The following PLCE1 variants were observed in gnomAD, a reference collection of about 807,000 sequenced individuals.
The protein encoded by PLCE1 is phospholipase C epsilon 1.
Under a neutral mutation model 242.8 loss-of-function variants are expected in PLCE1, and 119 were observed. That is an observed-to-expected ratio of 0.49 (90% CI 0.42 to 0.57). The LOEUF is 0.57. PLCE1 is among the 20% of genes least tolerant of loss of function. The pLI, the probability that PLCE1 is intolerant of heterozygous loss-of-function variation, is 0.00. For synonymous variants in PLCE1, 945 were observed against 1,017.4 expected, an observed-to-expected ratio of 0.93 and a Z score of 1.35; for missense variants, 2,441 against 2,788.8, an observed-to-expected ratio of 0.88 and a Z score of 2.81.
intron 2 of PLCE1, among the ~76,000 whole-genome samples, chr10:94,065,743 G>A (rs764278716): frequency 2.0e-5 from 3 of 152,156 alleles, no homozygotes; most frequent in Admixed American, 6.5e-5. Flanking sequence ...AACCCACAGC[G>A]TCAGGGAGGA....
In PLCE1 at chr10:94,273,641, A is replaced by T. The variant is rs182314619; in HGVS notation, c.4586A>T (p.Asp1529Val). The T allele has an allele frequency of 6.3e-5, 101 of 1,613,728 alleles. No individual in the cohort carries two copies. The African/African-American group carries it at 1.1e-3, about 17-fold the overall frequency. ...GATGATCCAATGCTTCCTTCACCTGACCAACTCAGAAAGAAAGTTCTTCTT... is the reference window on the plus strand; with the variant it reads ...GATGATCCAATGCTTCCTTCACCTGTCCAACTCAGAAAGAAAGTTCTTCTT... ...FSDDPMLPSP[D>V]QLRKKVLLKN... is the part of the protein sequence containing the mutation. The change falls in exon 19 of 33, where the codon GAC (aspartate) becomes GTC (valine). Residue 1529 changes from aspartate to valine, a missense_variant. Physicochemically the swap from Asp to Val is radical, Grantham distance 152 (BLOSUM62 -3). Transcript: ENST00000371380.
intron 3 of PLCE1, among the ~76,000 whole-genome samples, chr10:94,170,853 G>A (rs973150435): frequency 3.9e-5 from 6 of 152,088 alleles, no homozygotes; most frequent in African/African-American, 1.4e-4. Context: ...GTTAGCAAAG[G>A]AGGATAAGGA....
At chr10:94,025,222 GC>G (rs2061436608) in intron 1 of PLCE1, among the ~76,000 whole-genome samples, 1 of 152,062 alleles carries the variant, frequency 6.6e-6, no homozygotes, top group African/African-American at 2.4e-5. Flanking sequence ...TCCAGAAATT[GC>G]AAACCACTTT....
chr10:94,208,482 C>G (rs759738102), intron 4 of PLCE1, among the ~76,000 whole-genome samples: 1 of 152,172 alleles, frequency 6.6e-6, no homozygotes, highest in African/African-American at 2.4e-5. Flanking sequence ...TGTGGTCCCC[C>G]GACCAGCACA....
chr10:94,220,221 T>TACACAC (rs1306148514), intron 4 of PLCE1, among the ~76,000 whole-genome samples: 2 of 148,370 alleles, frequency 1.3e-5, no homozygotes, highest in Non-Finnish European at 3.0e-5. Flanking sequence ...CACACACACA[T>TACACAC]ACACACACAC....
At chr10:94,022,435 C>T (rs2061389416) in intron 1 of PLCE1, among the ~76,000 whole-genome samples, 1 of 151,588 alleles carries the variant, frequency 6.6e-6, no homozygotes, top group Admixed American at 6.6e-5. Context: ...ATATGTCTGT[C>T]TATGTGTGTA....
At chr10:94,123,603 A>C (rs1385870512) in intron 2 of PLCE1, among the ~76,000 whole-genome samples, 1 of 152,108 alleles carries the variant, frequency 6.6e-6, no homozygotes, top group African/African-American at 2.4e-5. Context: ...ACCCCCTCCA[A>C]CAGCCTCACT....
intron 27 of PLCE1, 88 bp downstream of exon 27, chr10:94,308,787 TGA>T: frequency 1.2e-6 from 1 of 848,242 alleles, no homozygotes; most frequent in East Asian, 2.4e-5. Context: ...GTGGTCGGTG[TGA>T]GTTATTAATT....
intron 2 of PLCE1, among the ~76,000 whole-genome samples, chr10:94,062,595 T>TTTG (rs1395712200): frequency 1.1e-5 from 1 of 87,940 alleles, no homozygotes; most frequent in African/African-American, 8.4e-5. Flanking sequence ...TTTTTTTTTG[T>TTTG]TTTGTTTTGT....
chr10:94,217,241 G>A (rs926628674), intron 4 of PLCE1, among the ~76,000 whole-genome samples: 5 of 151,794 alleles, frequency 3.3e-5, no homozygotes, highest in East Asian at 2.0e-4. Flanking sequence ...GATAAGCAGC[G>A]TCCCTCTCAC....
intron 22 of PLCE1, chr10:94,286,760 T>G (rs1185046005): frequency 6.6e-6 from 1 of 152,188 alleles, no homozygotes; most frequent in African/African-American, 2.4e-5. Context: ...TCACAGACCA[T>G]GACCTCATGG....
chr10:94,252,852 G>A (rs540036262), intron 9 of PLCE1, among the ~76,000 whole-genome samples: 98 of 152,198 alleles, frequency 6.4e-4, no homozygotes, highest in African/African-American at 2.1e-3. Flanking sequence ...CTTGAAGAAC[G>A]TGTAGGATTT....
chr10:94,293,158 A>T (rs1393087801), intron 22 of PLCE1, among the ~76,000 whole-genome samples: 3 of 152,328 alleles, frequency 2.0e-5, no homozygotes, highest in African/African-American at 4.8e-5. Context: ...CCATTCCTTC[A>T]TCTCTCCAAA....
intron 2 of PLCE1, among the ~76,000 whole-genome samples, chr10:94,084,000 T>C (rs541856948): frequency 4.6e-5 from 7 of 152,264 alleles, no homozygotes; most frequent in Non-Finnish European, 7.4e-5. Flanking sequence ...ATTGGGAGGA[T>C]TAAAGGAGGC....
At chr10:94,080,436 T>C (rs1364599257) in intron 2 of PLCE1, among the ~76,000 whole-genome samples, 1 of 152,202 alleles carries the variant, frequency 6.6e-6, no homozygotes, top group Non-Finnish European at 1.5e-5. Flanking sequence ...CATGAGTCAG[T>C]CTCTACCATG....
chr10:94,195,282 A>C (rs1374527967), intron 4 of PLCE1, among the ~76,000 whole-genome samples: 1 of 152,108 alleles, frequency 6.6e-6, no homozygotes, highest in East Asian at 1.9e-4. Flanking sequence ...TCCCAAGCTG[A>C]GAGTCACTGC....
chr10:94,130,336 C>A (rs564715855), intron 2 of PLCE1, among the ~76,000 whole-genome samples: 29 of 152,292 alleles, frequency 1.9e-4, no homozygotes, highest in African/African-American at 6.3e-4. Context: ...GTTATACAAC[C>A]ACCTATTATT....
chr10:94,211,028 T>C (rs1298000988), intron 4 of PLCE1, among the ~76,000 whole-genome samples: 1 of 152,188 alleles, frequency 6.6e-6, no homozygotes, highest in East Asian at 1.9e-4. Context: ...TCCAGACAAG[T>C]CTGCCGCCAC....
chr10:94,019,494 C>T (rs1278395793), intron 1 of PLCE1, among the ~76,000 whole-genome samples: 1 of 152,188 alleles, frequency 6.6e-6, no homozygotes, highest in African/African-American at 2.4e-5. Context: ...CCAGCAGCAA[C>T]TGATCCAATT....
Sources: gnomAD v4.1 joint callset for allele counts (sites outside exome capture counted in the v4.1 genomes callset) on GRCh38, gnomAD v4.1.1 for gene constraint, MANE v1.5 for transcripts, NCBI Gene and HGNC (gene_info 2026-07-23, HGNC 2026-07-21) for gene names.